The following CHRNB4 variants were observed in gnomAD, a reference collection of about 807,000 sequenced individuals.
The protein encoded by CHRNB4 is neuronal acetylcholine receptor subunit beta-4.
CHRNB4 carries 23 observed loss-of-function variants against 40.4 expected under a neutral mutation model. The ratio of observed to expected loss-of-function variants is 0.57; its 90% CI spans 0.41 to 0.81. The LOEUF (loss-of-function observed/expected upper bound fraction) is 0.81, where lower values mean the gene tolerates loss of function less well. Among genes scored for constraint, CHRNB4 ranks in the 30% least tolerant of loss-of-function variants. The pLI, the probability that CHRNB4 is intolerant of heterozygous loss-of-function variation, is 0.00. For synonymous variants in CHRNB4, 285 were observed against 274.4 expected, an observed-to-expected ratio of 1.04 and a Z score of -0.38; for missense variants, 568 against 670.6, an observed-to-expected ratio of 0.85 and a Z score of 1.69.
In CHRNB4 at chr15:78,629,800, G is replaced by A. The variant is rs1402138904; in HGVS notation, c.505C>T (p.Leu169Phe). ...TCATAGGTCCAGGAGCGGAACTTGA[G>A]GGTGCAGTTCTGCTGGTCGAAGGGA... ...YFPFDQQNCT[L>F]KFRSWTYDHT... Residue 169 changes from leucine (L) to phenylalanine (F), a missense_variant, in exon 5 of 6, where the codon CTC (leucine) becomes TTC (phenylalanine). By Grantham distance (22) the Leu-to-Phe change is conservative. Transcript: ENST00000261751. This position sits in a 1 kb window ranked among gnomAD's most constrained non-coding sequence, Gnocchi z 6.8. 2 of 1,614,034 alleles carry A rather than the reference G, an allele frequency of 1.2e-6. No individual in the cohort carries two copies. The highest frequency in any genetic ancestry group is 1.7e-6 in the Non-Finnish European group (2 of 1,180,040).
Position 78,648,948 on chromosome 15 carries a change from T to G in CHRNB4, c.46+431A>C, listed in dbSNP as rs541060391. Among the ~76,000 whole-genome samples the G allele has an allele frequency of 1.1e-3, 165 of 152,098 alleles. 1 individual carries two copies. Among genetic ancestry groups the G allele is most frequent in the African/African-American group, 3.6e-3 (150 of 41,494 alleles). ...CATGCCACCACACCTGGCTAATTTT[T>G]GGGATTTTTTGTAGAGACCGGGTCC... On this transcript the variant is annotated intron_variant and NMD_transcript_variant, in intron 7 of 11. Transcript: ENST00000559849.
Position 78,629,037 on chromosome 15 carries a change from T to A in CHRNB4, c.1268A>T (p.Asp423Val). The change falls in exon 5 of 6, where the codon GAT (aspartate) becomes GTT (valine). Residue 423 changes from aspartate to valine, a missense_variant. By Grantham distance (152) the Asp-to-Val change is radical. Transcript: ENST00000261751. The surrounding 1 kb of genome is among the most constrained non-coding windows in gnomAD (Gnocchi z 6.8). The part of the protein sequence containing the change: ...WLRSSGRFRQ[D>V]VQEALEGVSF... ...GACACCTTCTAATGCCTCCTGCACA[T>A]CCTGTCGGAACCTCCCAGAGGACCG... The A allele has an allele frequency of 6.2e-7, 1 of 1,614,130 alleles. No homozygotes were observed. Among genetic ancestry groups the A allele is most frequent in the Non-Finnish European group, 8.5e-7 (1 of 1,180,030 alleles).
chr15:78,655,426 C>CTATATCTATATATATCTA (rs1233324475), intron 5 of CHRNB4: 15 of 140,092 alleles, frequency 1.1e-4, no homozygotes, highest in African/African-American at 4.0e-4. Flanking sequence ...ATCTATATAT[C>CTATATCTATATATATCTA]TATATCTATA....
chr15:78,624,893 G>T lies in CHRNB4; in HGVS notation c.*240C>A. ...TGCCCGGTGCAGGGAAGGAAGACAG[G>T]CCAGAATTGAACTGTCTGAAGCTCC... On this transcript the variant is annotated 3_prime_UTR_variant, in exon 6 of 6. Transcript: ENST00000261751. The T allele has an allele frequency of 1.5e-6, 2 of 1,376,472 alleles. No homozygotes were observed. Among genetic ancestry groups the T allele is most frequent in the Non-Finnish European group, 1.9e-6 (2 of 1,041,070 alleles). The allele number at this position is 1,376,472 out of a possible 1,614,324, so 85.3% of individuals were successfully genotyped here. A position where few individuals can be genotyped will look rare whatever the true frequency, so the allele number is the denominator to read the frequency against.
Position 78,625,281 on chromosome 15 carries a change from T to A in CHRNB4, c.1349A>T (p.Asp450Val), listed in dbSNP as rs1331126866. ...NDDEDQSVVE[D>V]WKYVAMVVDR... ...CACCACCATAGCCACGTACTTCCAG[T>A]CCTCAACGACCTGCAGGCAGACAGA... Residue 450 changes from aspartate to valine, a missense_variant, in exon 6 of 6, where the codon GAC (aspartate) becomes GTC (valine). Coordinates refer to ENST00000261751, the MANE Select transcript of CHRNB4 (RefSeq NM_000750.5). 3 of 1,536,214 alleles carry A rather than the reference T, an allele frequency of 2.0e-6. No individual in the cohort carries two copies. The highest frequency in any genetic ancestry group is 2.6e-6 in the Non-Finnish European group (3 of 1,143,654).
In CHRNB4 at chr15:78,658,907, T is replaced by C. The variant is rs537605880; in HGVS notation, c.-850-538A>G. On this transcript the variant is annotated intron_variant and NMD_transcript_variant, in intron 1 of 11. Coordinates refer to the CHRNB4 transcript ENST00000559849. Reference sequence around the variant, plus strand: ...CTCTGTTATAAACACTGCTCTGGGCTGATGTGGTATATAGGCCAGCTGCTG... The same window carrying C: ...CTCTGTTATAAACACTGCTCTGGGCCGATGTGGTATATAGGCCAGCTGCTG... 2.0e-5 allele frequency among the ~76,000 whole-genome samples: 3 copies of C among 152,312 alleles called. No homozygotes were observed. The East Asian group carries it at 5.8e-4, about 29-fold the overall frequency.
chr15:78,645,888 T>A (rs113071726), upstream of CHRNB4, among the ~76,000 whole-genome samples: 86 of 152,122 alleles, frequency 5.7e-4, no homozygotes, highest in Non-Finnish European at 1.1e-3. Context: ...TGAAACCCTT[T>A]CTCTACTAAA....
chr15:78,656,333 T>C (rs2141412088), exon 4 of CHRNB4: 1 of 80,034 alleles, frequency 1.2e-5, no homozygotes, highest in East Asian at 3.6e-4. Context: ...TAAGTCTCTG[T>C]CTCAAAAAAA....
chr15:78,626,564 G>C (rs2053665958), intron 5 of CHRNB4: 1 of 152,336 alleles, frequency 6.6e-6, no homozygotes, highest in African/African-American at 2.4e-5. Context: ...CCGGCCATGT[G>C]CTCAGTGCAG....
chr15:78,645,312 T>C (rs1001483327), upstream of CHRNB4, among the ~76,000 whole-genome samples: 3 of 152,110 alleles, frequency 2.0e-5, no homozygotes, highest in Admixed American at 2.0e-4. Context: ...TTGCCCACAT[T>C]TCCCCCCAGC....
chr15:78,647,964 T>C (rs1033062578), intron 7 of CHRNB4, among the ~76,000 whole-genome samples: 1 of 151,860 alleles, frequency 6.6e-6, no homozygotes, highest in Admixed American at 6.6e-5. Context: ...TGAAGAGTAT[T>C]GCTATGGTCT....
At chr15:78,654,406 G>C (rs193004317) in intron 5 of CHRNB4, among the ~76,000 whole-genome samples, 2 of 152,308 alleles carry the variant, frequency 1.3e-5, no homozygotes, top group East Asian at 3.9e-4. Context: ...TTTCCCATCT[G>C]CTGAGCACTA....
Position 78,635,491 on chromosome 15 carries a change from G to A in CHRNB4, c.152C>T (p.Ser51Leu). Residue 51 changes from serine (S) to leucine (L), a missense_variant, in exon 2 of 6, where the codon TCA (serine) becomes TTA (leucine). Coordinates refer to ENST00000261751, the MANE Select transcript of CHRNB4 (RefSeq NM_000750.5). ...CTGCAGCTTGATGGAGATGAGCTGT[G>A]AGGAGCTGGTGGCTGGGCGGATCAG... ...NNLIRPATSS[S>L]QLISIKLQLS... 1 of 1,614,196 alleles carries A rather than the reference G, an allele frequency of 6.2e-7. No individual in the cohort carries two copies. Among genetic ancestry groups the A allele is most frequent in the South Asian group, 1.1e-5 (1 of 91,084 alleles).
At chr15:78,654,814 C>A (rs554479365) in intron 5 of CHRNB4, among the ~76,000 whole-genome samples, 5 of 152,284 alleles carry the variant, frequency 3.3e-5, no homozygotes, top group African/African-American at 1.2e-4. Flanking sequence ...TAACCAGCAT[C>A]CAGCTCAAGA....
rs1314047572 is a variant in CHRNB4 at position 78,629,555 on chromosome 15, G to A, written c.750C>T (p.Ala250=). 6.2e-7 allele frequency: 1 copy of A among 1,614,148 alleles called. No homozygotes were observed. Among genetic ancestry groups the A allele is most frequent in the South Asian group, 1.1e-5 (1 of 91,076 alleles). Residue 250 remains alanine (A), a synonymous_variant, in exon 5 of 6, where the codon GCC becomes GCT. Transcript: ENST00000261751. This position sits in a 1 kb window ranked among gnomAD's most constrained non-coding sequence, Gnocchi z 6.8. ...IIPCVLTTLL[A]ILVFYLPSDC... is the part of the protein sequence containing the mutation. ...CGGATGGCAGGTAGAAGACGAGGAT[G>A]GCCAGCAAGGTGGTGAGCACGCAGG...
intron 6 of CHRNB4, among the ~76,000 whole-genome samples, chr15:78,650,176 G>C (rs1244710498): frequency 6.6e-6 from 1 of 152,184 alleles, no homozygotes; most frequent in East Asian, 1.9e-4. Context: ...TCCTGGCCTG[G>C]GGTTCTGCCC....
rs951585487 is a variant in CHRNB4, at chr15:78,624,846, A to G, written c.*287T>C. 1 of 975,348 alleles carries G rather than the reference A, an allele frequency of 1.0e-6. No individual in the cohort carries two copies. Among genetic ancestry groups the G allele is most frequent in the Non-Finnish European group, 1.5e-6 (1 of 685,846 alleles). The allele number at this position is 975,348 out of a possible 1,614,324, so 60.4% of individuals were successfully genotyped here. A position where few individuals can be genotyped will look rare whatever the true frequency, so the allele number is the denominator to read the frequency against. ...TGCCTGAAGCATAGTAGGTGCTGCT[A>G]CGAAGTCATCTTTATCCCCATTGCC... On this transcript the variant is annotated 3_prime_UTR_variant, in exon 6 of 6. Coordinates refer to ENST00000261751, the MANE Select transcript of CHRNB4 (RefSeq NM_000750.5).
intron 5 of CHRNB4, 57 bp from the exon 6 acceptor site, chr15:78,625,348 C>T: frequency 8.1e-6 from 12 of 1,473,270 alleles, no homozygotes; most frequent in Admixed American, 2.3e-5. Flanking sequence ...CCCTCCTTTC[C>T]CCGAGTCAGG....
Position 78,631,122 on chromosome 15 carries a change from T to A in CHRNB4, c.313A>T (p.Ile105Phe). The change falls in exon 4 of 6, where the codon ATC becomes TTC. Residue 105 changes from isoleucine (I) to phenylalanine (F), a missense_variant. Coordinates refer to ENST00000261751, the MANE Select transcript of CHRNB4 (RefSeq NM_000750.5). ...SRYEGVNILR[I>F]PAKRIWLPDI... ...GGCAACCAGATGCGCTTTGCAGGGA[T>A]CCTCAGGATGTTCACACCCTCGTAG... 1 of 1,614,206 alleles carries A rather than the reference T, an allele frequency of 6.2e-7. No homozygotes were observed. The highest frequency in any genetic ancestry group is 1.1e-5 in the South Asian group (1 of 91,084).
Sources: allele counts gnomAD v4.1 joint callset (sites outside exome capture counted in the v4.1 genomes callset), GRCh38; gene constraint gnomAD v4.1.1; non-coding constraint Gnocchi (gnomAD v3.1); transcripts MANE v1.5; gene names NCBI Gene and HGNC (gene_info 2026-07-23, HGNC 2026-07-21).